The following RECQL variants were observed in gnomAD, a reference collection of about 807,000 sequenced individuals.
RECQL encodes RecQ like helicase, also known as ATP-dependent DNA helicase Q1.
In RECQL, 73 loss-of-function variants were observed where a neutral mutation model predicts 75.8. That is an observed-to-expected ratio of 0.96 (90% confidence interval 0.80 to 1.17). The LOEUF (loss-of-function observed/expected upper bound fraction) is 1.17, where lower values mean the gene tolerates loss of function less well. RECQL is among the 50% of genes most tolerant of loss of function. RECQL has a pLI of 0.00. For synonymous variants in RECQL, 248 were observed against 254.4 expected (o/e 0.97, Z 0.24); for missense variants, 699 against 772.1 (o/e 0.91, Z 1.12).
intron 5 of RECQL, among the ~76,000 whole-genome samples, chr12:21,485,250 A>G (rs1453628193): frequency 1.3e-5 from 2 of 151,446 alleles, no homozygotes; most frequent in Non-Finnish European, 2.9e-5. Flanking sequence ...TCCAAATACA[A>G]TCAGGCTTTT....
intron 6 of RECQL, among the ~76,000 whole-genome samples, chr12:21,478,794 C>A (rs1360999197): frequency 1.3e-5 from 2 of 152,166 alleles, no homozygotes; most frequent in African/African-American, 4.8e-5. Context: ...CAGAAGTGAA[C>A]CAGCTAACAT....
chr12:21,493,285 T>C (rs966726825), intron 2 of RECQL, among the ~76,000 whole-genome samples: 7 of 152,194 alleles, frequency 4.6e-5, no homozygotes, highest in African/African-American at 1.7e-4. Flanking sequence ...ATTTAAATCA[T>C]CATCCATAGA....
chr12:21,485,237 A>C (rs988343595), intron 5 of RECQL, among the ~76,000 whole-genome samples: 2 of 151,678 alleles, frequency 1.3e-5, no homozygotes, highest in Non-Finnish European at 2.9e-5. Flanking sequence ...GTTAAAGAAA[A>C]ATTCCAAATA....
intron 12 of RECQL, among the ~76,000 whole-genome samples, chr12:21,473,218 A>T (rs11611002): frequency 0.39 from 59,225 of 151,944 alleles, 11,814 homozygotes; most frequent in Middle Eastern, 0.49. Flanking sequence ...ATAATACCAT[A>T]TATTTTTTTT....
At chr12:21,493,215 C>A (rs138642690) in intron 2 of RECQL, among the ~76,000 whole-genome samples, 4,175 of 152,242 alleles carry the variant, frequency 0.027, 103 homozygotes, top group Non-Finnish European at 0.043. Flanking sequence ...CATTAATAAC[C>A]CTGTTTCCAC....
chr12:21,484,282 A>G lies in RECQL; in HGVS notation c.502-708T>C, dbSNP rs572405929. Among the ~76,000 whole-genome samples, 34 of 152,282 alleles carry G rather than the reference A, an allele frequency of 2.2e-4. No homozygotes were observed. The South Asian group carries it at 6.6e-3, about 30-fold the overall frequency. ...ACAGTCAAACTACTTTCATCATCCC[A>G]GCAAAGAAGCAGTTTGTTAACTCCT... is the stretch of plus-strand genomic sequence containing the variant. On this transcript the variant is annotated intron_variant, in intron 5 of 14. Coordinates refer to ENST00000444129, the MANE Select transcript of RECQL (RefSeq NM_002907.4).
At chr12:21,493,872 CA>C (rs1269020134) in intron 2 of RECQL, among the ~76,000 whole-genome samples, 1 of 152,098 alleles carries the variant, frequency 6.6e-6, no homozygotes, top group Admixed American at 6.5e-5. Flanking sequence ...TGTAACCTGT[CA>C]AAAGACATGA....
At chr12:21,475,961 T>G in intron 8 of RECQL, 137 bp from the exon 9 acceptor site, 4 of 653,856 alleles carry the variant, frequency 6.1e-6, no homozygotes, top group Non-Finnish European at 5.1e-6. Flanking sequence ...CAAGGCCTTG[T>G]GCATATATTG....
At position 21,469,124 on chromosome 12, in the gene RECQL, G is replaced by A. The variant is rs1255595559; in HGVS notation, c.*1070C>T. On this transcript the variant is annotated 3_prime_UTR_variant, in exon 15 of 15. Coordinates refer to ENST00000444129, the MANE Select transcript of RECQL (RefSeq NM_002907.4). Reference sequence around the variant, plus strand: ...ATTCTTTGTGAAATGTCAAAATATGGCTATGGTTTCAGGAACTTTAAAATC... The same window carrying A: ...ATTCTTTGTGAAATGTCAAAATATGACTATGGTTTCAGGAACTTTAAAATC... 1 of 167,138 alleles carries A rather than the reference G, an allele frequency of 6.0e-6. No individual in the cohort carries two copies. Among genetic ancestry groups the A allele is most frequent in the African/African-American group, 2.4e-5 (1 of 41,494 alleles). The allele number at this position is 167,138 out of a possible 1,614,324, so 10.4% of individuals were successfully genotyped here.
chr12:21,497,255 T>TCC (rs1479476613), intron 2 of RECQL, among the ~76,000 whole-genome samples: 1 of 152,072 alleles, frequency 6.6e-6, no homozygotes, highest in Admixed American at 6.6e-5. Flanking sequence ...TGCACCATGC[T>TCC]CCCCTTTGCC....
intron 6 of RECQL, among the ~76,000 whole-genome samples, chr12:21,481,709 G>A (rs1409409454): frequency 1.4e-4 from 22 of 152,112 alleles, no homozygotes. Context: ...CACTATCCCT[G>A]GAGAAACGTA....
chr12:21,482,066 CAGAA>C, intron 6 of RECQL, among the ~76,000 whole-genome samples: 1 of 144,682 alleles, frequency 6.9e-6, no homozygotes, highest in East Asian at 1.9e-4. Flanking sequence ...CTGATGGTGA[CAGAA>C]AGAACAGAAA....
At chr12:21,490,005 C>A (rs771013791) in intron 4 of RECQL, among the ~76,000 whole-genome samples, 194 bp downstream of exon 4, 35 of 151,982 alleles carry the variant, frequency 2.3e-4, no homozygotes, top group Non-Finnish European at 4.1e-4. Context: ...ACATATACCC[C>A]TGAATCTAAA....
intron 5 of RECQL, among the ~76,000 whole-genome samples, chr12:21,483,783 C>T (rs563073663): frequency 7.6e-4 from 116 of 152,110 alleles, no homozygotes; most frequent in African/African-American, 2.5e-3. Context: ...TATTTACTAA[C>T]GTCTACATTG....
At chr12:21,482,267 G>GAAA (rs11451473) in intron 6 of RECQL, among the ~76,000 whole-genome samples, 21 of 146,590 alleles carry the variant, frequency 1.4e-4, no homozygotes, top group Admixed American at 2.0e-4. Context: ...CTTAACAAAA[G>GAAA]AAAAAAAAAA....
intron 2 of RECQL, among the ~76,000 whole-genome samples, chr12:21,495,228 A>C (rs367840768): frequency 2.0e-5 from 3 of 152,194 alleles, no homozygotes; most frequent in East Asian, 3.9e-4. Flanking sequence ...TCAACCACAC[A>C]GCTAAAAATG....
At chr12:21,497,484 C>T (rs1373716816) in intron 2 of RECQL, among the ~76,000 whole-genome samples, 1 of 152,180 alleles carries the variant, frequency 6.6e-6, no homozygotes, top group East Asian at 1.9e-4. Flanking sequence ...CATAGTTATT[C>T]ATTTTGCCAG....
chr12:21,489,349 T>C (rs1319380252), intron 4 of RECQL, among the ~76,000 whole-genome samples: 1 of 151,842 alleles, frequency 6.6e-6, no homozygotes, highest in Non-Finnish European at 1.5e-5. Flanking sequence ...TATCTACCCT[T>C]TCAAGAAAAA....
chr12:21,488,676 A>G (rs190345148), intron 4 of RECQL, among the ~76,000 whole-genome samples: 44 of 152,262 alleles, frequency 2.9e-4, no homozygotes, highest in Admixed American at 2.7e-3. Flanking sequence ...TTTGAGTATC[A>G]TTCTTGACTC....
Sources: gnomAD v4.1 joint callset for allele counts (sites outside exome capture counted in the v4.1 genomes callset) on GRCh38, gnomAD v4.1.1 for gene constraint, MANE v1.5 for transcripts, NCBI Gene and HGNC (gene_info 2026-07-23, HGNC 2026-07-21) for gene names.